The following SULT2A1 variants were observed in gnomAD, a reference collection of about 807,000 sequenced individuals.
SULT2A1 encodes sulfotransferase 2A1.
A neutral mutation model predicts 33.9 loss-of-function variants in SULT2A1; 43 were observed. The observed-to-expected ratio is 1.27, with a 90% CI of 1.00 to 1.64. The LOEUF (loss-of-function observed/expected upper bound fraction) is 1.64. SULT2A1 is among the 40% of genes most tolerant of loss of function. SULT2A1 has a pLI of 0.00. For missense variants in SULT2A1, 300 were observed against 335.1 expected (o/e 0.90, Z 0.82); for synonymous variants, 125 against 113.6 (o/e 1.10, Z -0.64).
rs1189011400 is a variant in SULT2A1, at chr19:47,871,551, C to T, written c.762G>A (p.Trp254Ter). The change falls in exon 6 of 6, where the codon TGG becomes TGA. Residue 254 changes from tryptophan to a stop codon, truncating the protein, a stop_gained. Transcript: ENST00000222002. LOFTEE classifies it low-confidence loss of function (END_TRUNC). ...CTTGGGCCACTGTGAAGTGATTTTT[C>T]CAGTCCCCAGATACACCTGGAAACA... ...QLLRKGVSGD[W>*]KNHFTVAQAE... 5 of 1,613,784 alleles carry T rather than the reference C, an allele frequency of 3.1e-6. No individual in the cohort carries two copies. The highest frequency in any genetic ancestry group is 4.2e-6 in the Non-Finnish European group (5 of 1,179,838).
At chr19:47,873,614 C>CTTTTTTTTTTTT (rs61271763) in intron 5 of SULT2A1, among the ~76,000 whole-genome samples, 4 of 62,062 alleles carry the variant, frequency 6.4e-5, no homozygotes, top group African/African-American at 3.1e-4. Flanking sequence ...GGACAGATCT[C>CTTTTTTTTTTTT]TTTTTTTTTT....
intron 4 of SULT2A1, among the ~76,000 whole-genome samples, chr19:47,875,617 G>A (rs62531046): frequency 6.2e-4 from 95 of 152,172 alleles, no homozygotes; most frequent in African/African-American, 2.1e-3. Flanking sequence ...CAGCCTGGGC[G>A]TTGGAGTGAG....
chr19:47,874,768 T>C lies in SULT2A1; in HGVS notation c.634A>G (p.Asn212Asp). ...LGKTLEPEEL[N>D]LILKNSSFQS... Reference sequence around the variant, plus strand: ...AAGGAGCTGTTCTTGAGAATTAAGTTCAGTTCTTCGGGTTCTAACGTCTTT... The same window carrying C: ...AAGGAGCTGTTCTTGAGAATTAAGTCCAGTTCTTCGGGTTCTAACGTCTTT... Residue 212 changes from asparagine to aspartate, a missense_variant, in exon 5 of 6, where the codon AAC becomes GAC. Coordinates refer to ENST00000222002, the MANE Select transcript of SULT2A1 (RefSeq NM_003167.4). 6.2e-7 allele frequency: 1 copy of C among 1,614,118 alleles called. No homozygotes were observed. Among genetic ancestry groups the C allele is most frequent in the Non-Finnish European group, 8.5e-7 (1 of 1,180,014 alleles).
At position 47,871,329 on chromosome 19, in the gene SULT2A1, A is replaced by G. The variant is rs1968490299; in HGVS notation, c.*126T>C. 5.4e-6 allele frequency: 4 copies of G among 740,764 alleles called. No homozygotes were observed. The highest frequency in any genetic ancestry group is 6.7e-6 in the Non-Finnish European group (3 of 446,280). The allele number at this position is 740,764 out of a possible 1,614,324, so 45.9% of individuals were successfully genotyped here. A position where few individuals can be genotyped will look rare whatever the true frequency, so the allele number is the denominator to read the frequency against. ...TTAACAAGGAAGGGATCAGAGATGC[A>G]GAGGTTTGATATTTAAGGTTTCAGG... On this transcript the variant is annotated 3_prime_UTR_variant, in exon 6 of 6. Transcript: ENST00000222002.
At position 47,874,750 on chromosome 19, in the gene SULT2A1, TG is replaced by T. The variant is rs1300737146; in HGVS notation, c.651del (p.Asn217LysfsTer7). Reference protein sequence around the residue: ...EPEELNLILKNSSFQSMKENK... With the variant: ...EPEELNLILKXSSFQSMKENK... Reference sequence around the variant, plus strand: ...TTTTCTTTCATGCTCTGAAAGGAGCTGTTCTTGAGAATTAAGTTCAGTTCTT... The same window carrying T: ...TTTTCTTTCATGCTCTGAAAGGAGCTTTCTTGAGAATTAAGTTCAGTTCTT... On this transcript the variant is annotated frameshift_variant, in exon 5 of 6. Transcript: ENST00000222002. LOFTEE classifies it high-confidence loss of function. 2 of 1,614,012 alleles carry T rather than the reference TG, an allele frequency of 1.2e-6. No homozygotes were observed. The highest frequency in any genetic ancestry group is 2.2e-5 in the South Asian group (2 of 91,076).
chr19:47,883,077 C>T (rs1471404078), intron 2 of SULT2A1, among the ~76,000 whole-genome samples: 1 of 152,106 alleles, frequency 6.6e-6, no homozygotes, highest in Non-Finnish European at 1.5e-5. Flanking sequence ...GATATCAACA[C>T]ATATTTACAC....
chr19:47,877,564 T>A (rs899214975), intron 4 of SULT2A1, among the ~76,000 whole-genome samples: 18 of 151,320 alleles, frequency 1.2e-4, no homozygotes, highest in African/African-American at 4.1e-4. Flanking sequence ...TTTTTTTTTT[T>A]TTTGAGACAG....
chr19:47,879,159 G>A (rs1230834647), intron 3 of SULT2A1, 29 bp from the exon 4 acceptor site: 1 of 1,418,776 alleles, frequency 7.0e-7, no homozygotes, highest in Admixed American at 1.7e-5. Context: ...AAAGTGATAG[G>A]TTACAAATTT....
Position 47,883,635 on chromosome 19 carries a change from A to G in SULT2A1, c.287T>C (p.Phe96Ser), listed in dbSNP as rs757208013. 5 of 1,613,944 alleles carry G rather than the reference A, an allele frequency of 3.1e-6. No homozygotes were observed. Among genetic ancestry groups the G allele is most frequent in the Non-Finnish European group, 4.2e-6 (5 of 1,180,036 alleles). Residue 96 changes from phenylalanine (F) to serine (S), a missense_variant, in exon 2 of 6, where the codon TTC becomes TCC. Coordinates refer to ENST00000222002, the MANE Select transcript of SULT2A1 (RefSeq NM_003167.4). Reference protein sequence around the residue: ...ALSETESPRLFSSHLPIQLFP... With the variant: ...ALSETESPRLSSSHLPIQLFP... The stretch of plus-strand genomic sequence containing the variant: ...TAACTGGATGGGGAGGTGGGAGGAG[A>G]ATAAACGTGGACTCTCCGTTTCACT...
In SULT2A1 at chr19:47,880,470, A is replaced by G. The variant is rs62530972; in HGVS notation, c.473-1340T>C. Among the ~76,000 whole-genome samples, 314 of 152,092 alleles carry G rather than the reference A, an allele frequency of 2.1e-3. 1 individual carries two copies. Among genetic ancestry groups the G allele is most frequent in the African/African-American group, 7.5e-3 (310 of 41,522 alleles). On this transcript the variant is annotated intron_variant, in intron 3 of 5. Transcript: ENST00000222002. ...ATATCAGACAGAATCAAGCTAATTA[A>G]CATATTCATTTCCTCATATACTTAC...
At chr19:47,876,768 TAAAAAAA>T (rs34642376) in intron 4 of SULT2A1, among the ~76,000 whole-genome samples, 1 of 85,592 alleles carries the variant, frequency 1.2e-5, no homozygotes, top group Non-Finnish European at 2.2e-5. Context: ...AGACTCTGTC[TAAAAAAA>T]AAAAAAAAAA....
In SULT2A1 at chr19:47,885,614, C is replaced by T. The variant is rs62529830; in HGVS notation, c.136+508G>A. On this transcript the variant is annotated intron_variant, in intron 1 of 5. Transcript: ENST00000222002. ...CAATGTCTTCAGCCTCAATCCTCAC[C>T]GCATCCGCAGTGCTCTTACCGCCCT... is the stretch of plus-strand genomic sequence containing the variant. Among the ~76,000 whole-genome samples, 9 of 152,232 alleles carry T rather than the reference C, an allele frequency of 5.9e-5. No individual in the cohort carries two copies. In the East Asian group the frequency reaches 1.3e-3, roughly 23 times the overall value.
At chr19:47,875,781 G>A (rs896700690) in intron 4 of SULT2A1, among the ~76,000 whole-genome samples, 2 of 152,172 alleles carry the variant, frequency 1.3e-5, no homozygotes, top group East Asian at 1.9e-4. Context: ...CCTAAGAGAC[G>A]TTTAGAGAGG....
intron 1 of SULT2A1, among the ~76,000 whole-genome samples, chr19:47,884,956 C>T (rs552127971): frequency 3.2e-4 from 49 of 151,950 alleles, no homozygotes; most frequent in Admixed American, 1.3e-3. Flanking sequence ...GAACTACAGA[C>T]GTGCGCCACA....
At chr19:47,874,179 A>T (rs1325255150) in intron 5 of SULT2A1, among the ~76,000 whole-genome samples, 13 of 152,138 alleles carry the variant, frequency 8.5e-5, no homozygotes, top group Admixed American at 7.9e-4. Context: ...TACAGCCCAC[A>T]TCAGTACCAC....
intron 5 of SULT2A1, 47 bp from the exon 6 acceptor site, chr19:47,871,614 A>G (rs368569312): frequency 9.8e-5 from 122 of 1,250,438 alleles, no homozygotes; most frequent in African/African-American, 7.6e-4. Flanking sequence ...CATCTCCTTG[A>G]CCTGTCTCCA....
chr19:47,874,863 A>G (rs1179549092), intron 4 of SULT2A1, 29 bp from the exon 5 acceptor site: 1 of 1,603,730 alleles, frequency 6.2e-7, no homozygotes, highest in Non-Finnish European at 8.5e-7. Flanking sequence ...GAGAGAGGAT[A>G]CGAAAGAGAA....
Position 47,880,562 on chromosome 19 carries a change from CATTATTATTATTATTATTATT to C in SULT2A1, c.473-1453_473-1433del, listed in dbSNP as rs66892249. On this transcript the variant is annotated intron_variant, in intron 3 of 5. Transcript: ENST00000222002. ...CTTAGCAATTGTCAAGTATGGAATACATTATTATTATTATTATTATTATTATTATTATTATTATTATTGACA... is the reference window on the plus strand; with the variant it reads ...CTTAGCAATTGTCAAGTATGGAATACATTATTATTATTATTATTATTGACA... 2.0e-5 allele frequency among the ~76,000 whole-genome samples: 3 copies of C among 146,620 alleles called. No individual in the cohort carries two copies. The East Asian group carries it at 6.0e-4, about 30-fold the overall frequency.
chr19:47,871,364 T>A lies in SULT2A1; in HGVS notation c.*91A>T. ...TATTTAAGGTTTCAGGATAAAATAA[T>A]AAGTCTTACACAATGACCCCAGTCA... On this transcript the variant is annotated 3_prime_UTR_variant, in exon 6 of 6. Transcript: ENST00000222002. 1.1e-6 allele frequency: 1 copy of A among 927,330 alleles called. No individual in the cohort carries two copies. Among genetic ancestry groups the A allele is most frequent in the Middle Eastern group, 2.2e-4 (1 of 4,522 alleles). The allele number at this position is 927,330 out of a possible 1,614,324, so 57.4% of individuals were successfully genotyped here.
Sources: gnomAD v4.1 joint callset for allele counts (sites outside exome capture counted in the v4.1 genomes callset) on GRCh38, gnomAD v4.1.1 for gene constraint, MANE v1.5 for transcripts, NCBI Gene and HGNC (gene_info 2026-07-23, HGNC 2026-07-21) for gene names.